The following DYNC2I1 variants were observed in gnomAD, a reference collection of about 807,000 sequenced individuals.
DYNC2I1 encodes dynein 2 intermediate chain 1, also known as cytoplasmic dynein 2 intermediate chain 1.
In DYNC2I1, 89 loss-of-function variants were observed where a neutral mutation model predicts 133.4. That is an observed-to-expected ratio of 0.67 (90% confidence interval 0.56 to 0.80). The LOEUF is 0.80. Among genes scored for constraint, DYNC2I1 ranks in the 30% least tolerant of loss-of-function variants. DYNC2I1 has a pLI of 0.00. For synonymous variants in DYNC2I1, 504 were observed against 484.3 expected (o/e 1.04, Z -0.54); for missense variants, 1,291 against 1,314.5 (o/e 0.98, Z 0.28).
At chr7:158,953,384 G>A (rs1243172871) in intron 4 of DYNC2I1, among the ~76,000 whole-genome samples, 1 of 152,226 alleles carries the variant, frequency 6.6e-6, no homozygotes, top group Non-Finnish European at 1.5e-5. Flanking sequence ...ACTTATGCAG[G>A]TTAGAATAAA....
chr7:158,904,186 A>G (rs967274860), intron 10 of DYNC2I1: 2 of 152,280 alleles, frequency 1.3e-5, no homozygotes, highest in African/African-American at 4.8e-5. Context: ...TCTGTGCCTC[A>G]TTTTCCTTAA....
At chr7:158,881,157 G>C (rs1368119089) in intron 5 of DYNC2I1, among the ~76,000 whole-genome samples, 3 of 152,248 alleles carry the variant, frequency 2.0e-5, no homozygotes, top group Non-Finnish European at 2.9e-5. Flanking sequence ...GGCCATCTCA[G>C]CCGCTCTTGG....
chr7:158,918,315 C>T (rs1045163588), intron 14 of DYNC2I1, among the ~76,000 whole-genome samples: 7 of 152,076 alleles, frequency 4.6e-5, no homozygotes, highest in African/African-American at 7.2e-5. Context: ...TCTTTCTGCC[C>T]TGTCAAATCC....
At chr7:158,891,192 G>C (rs925684062) in intron 7 of DYNC2I1, 73 bp from the exon 8 acceptor site, 153 of 1,547,124 alleles carry the variant, frequency 9.9e-5, no homozygotes, top group Non-Finnish European at 1.3e-4. Context: ...GGTGGGGTGG[G>C]GGGGAGCTGC....
intron 21 of DYNC2I1, among the ~76,000 whole-genome samples, chr7:158,930,785 A>G (rs1850147414): frequency 6.6e-6 from 1 of 152,142 alleles, no homozygotes; most frequent in East Asian, 1.9e-4. Flanking sequence ...TCTCCTGTTC[A>G]GCCTTCTGAG....
At chr7:158,883,598 T>TAGAA (rs78062116) in intron 5 of DYNC2I1, among the ~76,000 whole-genome samples, 33,052 of 149,862 alleles carry the variant, frequency 0.22, 3,826 homozygotes, top group Middle Eastern at 0.28. Flanking sequence ...CAATTTGAGA[T>TAGAA]AGAGTATGAG....
rs1172238428 is a variant in DYNC2I1, at chr7:158,934,528, A to G, written c.2757A>G (p.Pro919=). The part of the protein sequence containing the change: ...PVKVNVIDFS[P]FGEPIFLAGC... ...AAGTTAATGTCATTGATTTTTCACC[A>G]TTTGGAGAACCAATATTTTTGGTAA... The change falls in exon 23 of 25, where the codon CCA becomes CCG. Residue 919 remains proline, a synonymous_variant. Transcript: ENST00000407559. 1 of 1,555,048 alleles carries G rather than the reference A, an allele frequency of 6.4e-7. No individual in the cohort carries two copies. Among genetic ancestry groups the G allele is most frequent in the Admixed American group, 2.0e-5 (1 of 51,086 alleles).
chr7:158,841,544 T>C, the DYNC2I1 span, among the ~76,000 whole-genome samples: 1 of 152,158 alleles, frequency 6.6e-6, no homozygotes. Context: ...TTTCTATTTC[T>C]AGCATTCTGT....
chr7:158,950,827 A>G (rs1852032756), downstream of DYNC2I1, among the ~76,000 whole-genome samples: 6 of 149,306 alleles, frequency 4.0e-5, no homozygotes, highest in African/African-American at 1.5e-4. Context: ...ACCAGCCTCT[A>G]TATGATTCCA....
intron 23 of DYNC2I1, among the ~76,000 whole-genome samples, chr7:158,940,806 C>T (rs1218132909): frequency 3.3e-5 from 5 of 152,112 alleles, no homozygotes; most frequent in African/African-American, 1.2e-4. Flanking sequence ...TGTGGCATAT[C>T]AAAATCTATG....
chr7:158,850,840 G>A, the DYNC2I1 span, among the ~76,000 whole-genome samples: 1 of 152,080 alleles, frequency 6.6e-6, no homozygotes, highest in Non-Finnish European at 1.5e-5. Context: ...TTGTTGCCTG[G>A]GGCAGCAAGG....
In DYNC2I1 at chr7:158,941,992, A is replaced by G. The variant is rs545150088; in HGVS notation, c.2846A>G (p.Asp949Gly). 2 of 1,613,434 alleles carry G rather than the reference A, an allele frequency of 1.2e-6. No homozygotes were observed. Among genetic ancestry groups the G allele is most frequent in the South Asian group, 1.1e-5 (1 of 91,042 alleles). ...TCCGCGTTTCCGCTCCTGCAGTGGG[A>G]CAGCAGCACGGACAGCCATGCGGTC... ...LSSAFPLLQWDSSTDSHAVTG... is the reference protein window; with the variant it reads ...LSSAFPLLQWGSSTDSHAVTG... Residue 949 changes from aspartate to glycine, a missense_variant, in exon 24 of 25, where the codon GAC becomes GGC. By Grantham distance (94) the Asp-to-Gly change is moderately conservative. Transcript: ENST00000407559.
At chr7:158,894,132 A>ACTGCATATCATACCACATATCC (rs1554455812) in intron 8 of DYNC2I1, among the ~76,000 whole-genome samples, 3 of 150,954 alleles carry the variant, frequency 2.0e-5, no homozygotes, top group Admixed American at 6.6e-5. Flanking sequence ...ACCGCATATC[A>ACTGCATATCATACCACATATCC]TACCGCATAT....
At chr7:158,909,904 G>C (rs1847222702) in intron 11 of DYNC2I1, among the ~76,000 whole-genome samples, 1 of 152,174 alleles carries the variant, frequency 6.6e-6, no homozygotes, top group Non-Finnish European at 1.5e-5. Flanking sequence ...CCTCCTGCAG[G>C]CCTGTGCTCT....
intron 10 of DYNC2I1, chr7:158,903,928 A>G (rs959871029): frequency 3.3e-5 from 5 of 152,336 alleles, no homozygotes; most frequent in Middle Eastern, 3.4e-3. Context: ...ACAACTCTCA[A>G]TATGAGATTA....
In DYNC2I1 at chr7:158,876,323, A is replaced by AG. The variant is rs571424981; in HGVS notation, c.491-284dup. ...CCCCATGATCCAGTCACCTCCCACC[A>AG]GGTCCCACCTTCAGCATTGGGGACT... On this transcript the variant is annotated intron_variant, in intron 3 of 24. Transcript: ENST00000407559. Among the ~76,000 whole-genome samples, 8 of 152,282 alleles carry AG rather than the reference A, an allele frequency of 5.3e-5. No homozygotes were observed. The East Asian group carries it at 1.5e-3, about 29-fold the overall frequency.
intron 23 of DYNC2I1, among the ~76,000 whole-genome samples, chr7:158,935,509 G>A (rs576210440): frequency 6.6e-6 from 1 of 152,316 alleles, no homozygotes; most frequent in South Asian, 2.1e-4. Context: ...TGAGGGGAAA[G>A]ATTGTTATTT....
the DYNC2I1 span, among the ~76,000 whole-genome samples, chr7:158,848,740 C>A: frequency 6.6e-6 from 1 of 152,010 alleles, no homozygotes; most frequent in Admixed American, 6.6e-5. Flanking sequence ...CTGGCTAACA[C>A]GGTGAAACCC....
chr7:158,884,511 CT>C (rs1409348049), intron 5 of DYNC2I1, 52 bp from the exon 6 acceptor site: 2 of 1,552,988 alleles, frequency 1.3e-6, no homozygotes, highest in East Asian at 4.7e-5. Flanking sequence ...ATTATGCTTA[CT>C]TCATTCCGAT....
Sources: allele counts gnomAD v4.1 joint callset (sites outside exome capture counted in the v4.1 genomes callset), GRCh38; gene constraint gnomAD v4.1.1; transcripts MANE v1.5; gene names NCBI Gene and HGNC (gene_info 2026-07-23, HGNC 2026-07-21).